IKZF4: variants seen among roughly 807,000 people sequenced by gnomAD.
IKZF4 encodes the protein zinc finger protein Eos.
Under a neutral mutation model 47.7 loss-of-function variants are expected in IKZF4, and 11 were observed. The ratio of observed to expected loss-of-function variants is 0.23; its 90% CI spans 0.15 to 0.38. The LOEUF is 0.38. Ranked by LOEUF, IKZF4 falls within the 10% of genes least tolerant of loss-of-function variation. The pLI, the probability that IKZF4 is intolerant of heterozygous loss-of-function variation, is 1.00. For synonymous variants in IKZF4, 298 were observed against 299.4 expected (o/e 1.00, Z 0.05); for missense variants, 557 against 784.9 (o/e 0.71, Z 3.47).
At chr12:56,012,470 C>T (rs1891452730) in intron 2 of IKZF4, among the ~76,000 whole-genome samples, 1 of 152,048 alleles carries the variant, frequency 6.6e-6, no homozygotes, top group Non-Finnish European at 1.5e-5. Context: ...GATGGGGTTT[C>T]TCCATTTGGT....
chr12:56,035,664 AAC>A lies in IKZF4; in HGVS notation c.*334_*335del. ...GCCACTCCCCCACCCTCCTGTCCAC[AAC>A]TCCTTTCCACTTTAGGCCAATTTTT... On this transcript the variant is annotated 3_prime_UTR_variant, in exon 8 of 8. Transcript: ENST00000547167. The surrounding 1 kb of genome is among the most constrained non-coding windows in gnomAD (Gnocchi z 6.1). The A allele has an allele frequency of 4.7e-6, 1 of 213,620 alleles. No individual in the cohort carries two copies. Among genetic ancestry groups the A allele is most frequent in the South Asian group, 1.0e-4 (1 of 9,662 alleles). The allele number at this position is 213,620 out of a possible 1,614,324, so 13.2% of individuals were successfully genotyped here.
In IKZF4 at chr12:56,023,757, TTGTGAAAGTAAGTA is replaced by T; in HGVS notation, c.179_181+11del. The T allele has an allele frequency of 6.2e-7, 1 of 1,613,694 alleles. No homozygotes were observed. Among genetic ancestry groups the T allele is most frequent in the East Asian group, 2.2e-5 (1 of 44,872 alleles). ...ACCATTTTATAATGGAATCTTTATT[TTGTGAAAGTAAGTA>T]TGTGCATAGCTGGGCAATTGGGTAA... On this transcript the variant is annotated splice_donor_variant and splice_donor_5th_base_variant and coding_sequence_variant and intron_variant, in exon 2 of 8. Coordinates refer to ENST00000547167, the MANE Select transcript of IKZF4 (RefSeq NM_022465.4). LOFTEE classifies it high-confidence loss of function.
At chr12:56,024,888 G>A (rs1893685588) in intron 2 of IKZF4, 166 bp from the exon 3 acceptor site, 1 of 1,493,682 alleles carries the variant, frequency 6.7e-7, no homozygotes, top group East Asian at 2.5e-5. Context: ...CAGGCATCCA[G>A]ACTGGCGGGG....
At chr12:56,026,430 C>T (rs1894006877) in intron 3 of IKZF4, among the ~76,000 whole-genome samples, 1 of 151,626 alleles carries the variant, frequency 6.6e-6, no homozygotes, top group Non-Finnish European at 1.5e-5. Context: ...TGGCTCACAC[C>T]TGTAATCCCA....
intron 5 of IKZF4, 58 bp downstream of exon 5, chr12:56,028,005 G>T: frequency 6.8e-7 from 1 of 1,471,256 alleles, no homozygotes; most frequent in Non-Finnish European, 9.0e-7. Flanking sequence ...AGTATGTAGA[G>T]CTCAGTGACT....
At position 56,035,934 on chromosome 12, in the gene IKZF4, A is replaced by T. The variant is rs1895602069; in HGVS notation, c.*603A>T. The T allele has an allele frequency of 6.6e-6, 1 of 152,634 alleles. No individual in the cohort carries two copies. Among genetic ancestry groups the T allele is most frequent in the Admixed American group, 6.5e-5 (1 of 15,280 alleles). 9.5% of individuals were successfully genotyped at this position (152,634 alleles called of 1,614,324 possible). A position where few individuals can be genotyped will look rare whatever the true frequency, so the allele number is the denominator to read the frequency against. On this transcript the variant is annotated 3_prime_UTR_variant, in exon 8 of 8. Transcript: ENST00000547167. The surrounding 1 kb of genome is among the most constrained non-coding windows in gnomAD (Gnocchi z 6.1). ...AGGCAGCTTGCACTATTCTTGAATGAATGAAGAATTATTTCCTCATTTGGA... is the reference window on the plus strand; with the variant it reads ...AGGCAGCTTGCACTATTCTTGAATGTATGAAGAATTATTTCCTCATTTGGA...
At chr12:56,023,001 G>A (rs1171752817) in intron 1 of IKZF4, among the ~76,000 whole-genome samples, 6 of 152,002 alleles carry the variant, frequency 3.9e-5, no homozygotes, top group Admixed American at 1.3e-4. Flanking sequence ...GGGTTTCACC[G>A]TGTTAGCCAG....
At chr12:56,019,428 CT>C (rs1210791740), upstream of IKZF4, 43 of 936,606 alleles carry the variant, frequency 4.6e-5, no homozygotes, top group Non-Finnish European at 3.2e-5. Context: ...AAGATGTTGA[CT>C]CTGACCCCTT....
chr12:56,028,164 T>C (rs1401544595), intron 5 of IKZF4, among the ~76,000 whole-genome samples: 2 of 152,016 alleles, frequency 1.3e-5, no homozygotes, highest in Admixed American at 6.6e-5. Context: ...GTATTTTACA[T>C]CCACCATATG....
At position 56,035,093 on chromosome 12, in the gene IKZF4, G is replaced by T. The variant is rs777542148; in HGVS notation, c.1520G>T (p.Arg507Leu). The T allele has an allele frequency of 1.2e-6, 2 of 1,605,852 alleles. No homozygotes were observed. The highest frequency in any genetic ancestry group is 1.3e-5 in the African/African-American group (1 of 74,908). The change falls in exon 8 of 8, where the codon CGG becomes CTG. Residue 507 changes from arginine (R) to leucine (L), a missense_variant. By Grantham distance (102) the Arg-to-Leu change is moderately radical (BLOSUM62 -2). This residue lies in a region of IKZF4 where 280 missense variants were observed against 314.0 expected (regional missense o/e 0.89). Transcript: ENST00000547167. This position sits in a 1 kb window ranked among gnomAD's most constrained non-coding sequence, Gnocchi z 6.1. ...CCCAAGCCACAGGAGGGGTTATTGC[G>T]GGGCACCCCAGGCCCCTCCAAGGAA... ...EDPKPQEGLL[R>L]GTPGPSKEVL...
At chr12:56,032,537 C>T (rs996436544) in intron 5 of IKZF4, 24 bp from the exon 6 acceptor site, 4 of 1,595,790 alleles carry the variant, frequency 2.5e-6, no homozygotes, top group Admixed American at 3.6e-5. Context: ...AGCTCTGATG[C>T]CATCTTTCCA....
At position 56,036,704 on chromosome 12, in the gene IKZF4, A is replaced by G. The variant is rs2136737006; in HGVS notation, c.*1373A>G. On this transcript the variant is annotated 3_prime_UTR_variant, in exon 8 of 8. Transcript: ENST00000547167. ...CCCCTTCTACACTCAGCTCCCAGAC[A>G]CAGGGTAGGAGGGGGGACTGCTGGC... is the stretch of plus-strand genomic sequence containing the variant. 6.6e-6 allele frequency: 1 copy of G among 152,256 alleles called. No homozygotes were observed. The highest frequency in any genetic ancestry group is 2.1e-4 in the South Asian group (1 of 4,820). The allele number at this position is 152,256 out of a possible 1,614,324, so 9.4% of individuals were successfully genotyped here. A position where few individuals can be genotyped will look rare whatever the true frequency, so the allele number is the denominator to read the frequency against.
At position 56,034,293 on chromosome 12, in the gene IKZF4, A is replaced by T. The variant is rs142852098; in HGVS notation, c.998-278A>T. ...AGGAAATAAGTATGTGGTTCCCCCT[A>T]TCCCCAGCACTAGTCATGAGCTCTC... is the stretch of plus-strand genomic sequence containing the variant. On this transcript the variant is annotated intron_variant, in intron 7 of 7. Transcript: ENST00000547167. 9.7e-4 allele frequency among the ~76,000 whole-genome samples: 147 copies of T among 152,262 alleles called. 1 individual carries two copies. The highest frequency in any genetic ancestry group is 3.3e-3 in the African/African-American group (138 of 41,558).
At chr12:56,023,637 T>C in intron 1 of IKZF4, 34 bp from the exon 2 acceptor site, 2 of 1,611,284 alleles carry the variant, frequency 1.2e-6, no homozygotes, top group Non-Finnish European at 8.5e-7. Flanking sequence ...GGTCCCAAAG[T>C]CCTGAGTGGT....
intron 1 of IKZF4, among the ~76,000 whole-genome samples, chr12:56,008,769 G>C (rs1011108548): frequency 2.7e-5 from 4 of 148,290 alleles, no homozygotes; most frequent in African/African-American, 1.0e-4. Context: ...CCATCTCCCA[G>C]GTTCAAGAGA....
chr12:56,017,824 G>A (rs1344734637), upstream of IKZF4, among the ~76,000 whole-genome samples: 1 of 152,004 alleles, frequency 6.6e-6, no homozygotes, highest in Non-Finnish European at 1.5e-5. Context: ...TGAATAGCTG[G>A]GACTACAGGC....
At chr12:56,027,412 A>AAACAAC (rs142401811) in intron 4 of IKZF4, among the ~76,000 whole-genome samples, 2 of 151,924 alleles carry the variant, frequency 1.3e-5, no homozygotes, top group Admixed American at 6.6e-5. Flanking sequence ...AATAATTAAA[A>AAACAAC]AACAACAACA....
At position 56,035,093 on chromosome 12, in the gene IKZF4, G is replaced by C; in HGVS notation, c.1520G>C (p.Arg507Pro). 1 of 1,605,852 alleles carries C rather than the reference G, an allele frequency of 6.2e-7. No individual in the cohort carries two copies. Among genetic ancestry groups the C allele is most frequent in the South Asian group, 1.1e-5 (1 of 89,732 alleles). ...CCCAAGCCACAGGAGGGGTTATTGC[G>C]GGGCACCCCAGGCCCCTCCAAGGAA... ...EDPKPQEGLL[R>P]GTPGPSKEVL... The change falls in exon 8 of 8, where the codon CGG becomes CCG. Residue 507 changes from arginine (R) to proline (P), a missense_variant. By Grantham distance (103) the Arg-to-Pro change is moderately radical. This residue lies in a region of IKZF4 where 280 missense variants were observed against 314.0 expected (regional missense o/e 0.89). Transcript: ENST00000547167. This position sits in a 1 kb window ranked among gnomAD's most constrained non-coding sequence, Gnocchi z 6.1.
chr12:56,018,092 A>G (rs573578786), upstream of IKZF4: 6 of 1,258,112 alleles, frequency 4.8e-6, no homozygotes, highest in Non-Finnish European at 6.2e-6. Flanking sequence ...TCCCAGAGCT[A>G]TCTTCTAATA....
Sources: allele counts gnomAD v4.1 joint callset (sites outside exome capture counted in the v4.1 genomes callset), GRCh38; gene constraint gnomAD v4.1.1; regional missense constraint gnomAD v4.1.1; non-coding constraint Gnocchi (gnomAD v3.1); transcripts MANE v1.5; gene names NCBI Gene and HGNC (gene_info 2026-07-23, HGNC 2026-07-21).